Variants in ANKRD29 observed in about 807,000 individuals in gnomAD.
The protein encoded by ANKRD29 is ankyrin repeat domain-containing protein 29.
Under a neutral mutation model 38.0 loss-of-function variants are expected in ANKRD29, and 32 were observed. That is an observed-to-expected ratio of 0.84 (90% CI 0.64 to 1.13). The LOEUF (loss-of-function observed/expected upper bound fraction) is 1.13, where lower values mean the gene tolerates loss of function less well. ANKRD29 is among the 50% of genes most tolerant of loss of function. ANKRD29 has a pLI of 0.00. For synonymous variants in ANKRD29, 135 were observed against 152.4 expected, an observed-to-expected ratio of 0.89 and a Z score of 0.84; for missense variants, 357 against 377.9, an observed-to-expected ratio of 0.94 and a Z score of 0.46.
intron 6 of ANKRD29, among the ~76,000 whole-genome samples, chr18:23,621,655 A>G (rs1360607058): frequency 1.3e-5 from 2 of 152,082 alleles, no homozygotes; most frequent in Non-Finnish European, 1.5e-5. Context: ...TCAGGATTTA[A>G]TTAATCAATA....
rs773691291 is a variant in ANKRD29 at position 23,601,295 on chromosome 18, C to T, written c.837G>A (p.Pro279=). ...PSLRNKANEL[P]AELTKNERIL... ...TACGTTCATTTTTGGTTAGTTCTGC[C>T]GGAAGTTCATTGGCCTGAAAGAAGA... Residue 279 remains proline (P), a synonymous_variant, in exon 10 of 10, where the codon CCG becomes CCA. Transcript: ENST00000592179. The T allele has an allele frequency of 3.1e-6, 5 of 1,613,824 alleles. No homozygotes were observed. The South Asian group carries it at 3.3e-5, about 11-fold the overall frequency.
At chr18:23,615,930 TTATATAGTATATA>T (rs1425780442) in intron 8 of ANKRD29, among the ~76,000 whole-genome samples, 1 of 141,222 alleles carries the variant, frequency 7.1e-6, no homozygotes, top group Admixed American at 7.0e-5. Context: ...TATGTATATA[TTATATAGTATATA>T]ATATATACAT....
intron 1 of ANKRD29, among the ~76,000 whole-genome samples, chr18:23,649,932 G>A (rs879929073): frequency 1.1e-4 from 16 of 152,046 alleles, no homozygotes; most frequent in African/African-American, 7.2e-5. Flanking sequence ...GTTTCACCAC[G>A]TTGGCCAGGA....
intron 5 of ANKRD29, 69 bp downstream of exon 5, chr18:23,633,976 TTCTGGC>T: frequency 6.9e-7 from 1 of 1,458,620 alleles, no homozygotes; most frequent in Non-Finnish European, 9.6e-7. Context: ...AAGTTGGCAT[TTCTGGC>T]ATCTGAATTT....
rs1003308046 is a variant in ANKRD29, at chr18:23,601,036, G to A, written c.*190C>T. On this transcript the variant is annotated 3_prime_UTR_variant, in exon 10 of 10. Coordinates refer to ENST00000592179, the MANE Select transcript of ANKRD29 (RefSeq NM_173505.4). ...TGAGAAGTCCATGGTGAAGGGGCAA[G>A]AGGGTCCCTGAGCTGTTTGGTTCTT... is the stretch of plus-strand genomic sequence containing the variant. The A allele has an allele frequency of 5.3e-5, 28 of 528,042 alleles. No homozygotes were observed. The highest frequency in any genetic ancestry group is 8.8e-5 in the Non-Finnish European group (26 of 296,440). The allele number at this position is 528,042 out of a possible 1,614,324, so 32.7% of individuals were successfully genotyped here.
intron 1 of ANKRD29, among the ~76,000 whole-genome samples, chr18:23,659,479 T>A (rs764566203): frequency 1.1e-4 from 16 of 152,134 alleles, no homozygotes; most frequent in Non-Finnish European, 1.9e-4. Flanking sequence ...GTGCGGTGGC[T>A]TATGCCTGTA....
intron 6 of ANKRD29, among the ~76,000 whole-genome samples, chr18:23,627,842 A>T (rs2059881229): frequency 6.6e-6 from 1 of 152,208 alleles, no homozygotes; most frequent in Non-Finnish European, 1.5e-5. Context: ...ATTCAGAATC[A>T]ATCAACAATA....
intron 1 of ANKRD29, among the ~76,000 whole-genome samples, chr18:23,659,825 C>T (rs957281828): frequency 7.3e-5 from 11 of 151,584 alleles, no homozygotes; most frequent in African/African-American, 2.7e-4. Context: ...AAAATGACTG[C>T]ATCGGCCAGG....
At chr18:23,636,245 C>T (rs1452201483) in intron 4 of ANKRD29, among the ~76,000 whole-genome samples, 1 of 151,934 alleles carries the variant, frequency 6.6e-6, no homozygotes, top group African/African-American at 2.4e-5. Flanking sequence ...AAGCGATCTT[C>T]CTGCCCTAGC....
chr18:23,598,929 G>A lies in ANKRD29; in HGVS notation c.*2297C>T, dbSNP rs573729639. On this transcript the variant is annotated 3_prime_UTR_variant, in exon 10 of 10. Coordinates refer to ENST00000592179, the MANE Select transcript of ANKRD29 (RefSeq NM_173505.4). Reference sequence around the variant, plus strand: ...AGAAAAAAGCAGCAAAGGCAAATGGGGTAGTATATTAACTTTATTTTGAAT... The same window carrying A: ...AGAAAAAAGCAGCAAAGGCAAATGGAGTAGTATATTAACTTTATTTTGAAT... The A allele has an allele frequency of 6.6e-6, 1 of 152,184 alleles. No individual in the cohort carries two copies. Among genetic ancestry groups the A allele is most frequent in the South Asian group, 2.1e-4 (1 of 4,822 alleles). The allele number at this position is 152,184 out of a possible 1,614,324, so 9.4% of individuals were successfully genotyped here.
At chr18:23,623,576 G>A (rs1487701158) in intron 6 of ANKRD29, among the ~76,000 whole-genome samples, 1 of 151,756 alleles carries the variant, frequency 6.6e-6, no homozygotes, top group Non-Finnish European at 1.5e-5. Flanking sequence ...CTTGAGCCCA[G>A]GAGTTCAAGA....
intron 1 of ANKRD29, among the ~76,000 whole-genome samples, chr18:23,659,777 C>A (rs987236950): frequency 1.9e-4 from 29 of 149,800 alleles, no homozygotes; most frequent in Non-Finnish European, 3.4e-4. Flanking sequence ...AACAAACAAA[C>A]AAAAAAAACT....
chr18:23,624,739 G>C (rs2059841367), intron 6 of ANKRD29, among the ~76,000 whole-genome samples: 1 of 152,114 alleles, frequency 6.6e-6, no homozygotes, highest in Admixed American at 6.6e-5. Context: ...TCCATGCCTA[G>C]AGGTGTTCAA....
At chr18:23,614,252 G>A (rs1192572167) in intron 8 of ANKRD29, among the ~76,000 whole-genome samples, 1 of 151,844 alleles carries the variant, frequency 6.6e-6, no homozygotes, top group African/African-American at 2.4e-5. Context: ...AGTAGAGACG[G>A]GGTTTCACCA....
At chr18:23,611,044 T>A (rs556425173) in intron 9 of ANKRD29, among the ~76,000 whole-genome samples, 5 of 152,270 alleles carry the variant, frequency 3.3e-5, no homozygotes, top group Non-Finnish European at 7.3e-5. Flanking sequence ...ATGTGCCAGC[T>A]TAAGCAGATG....
At chr18:23,617,350 C>T (rs547295378) in intron 8 of ANKRD29, among the ~76,000 whole-genome samples, 8 of 152,140 alleles carry the variant, frequency 5.3e-5, no homozygotes, top group Non-Finnish European at 1.0e-4. Flanking sequence ...TATTTTATTT[C>T]ACTTAAGGGA....
At chr18:23,654,279 A>AAAATAAAT (rs71163628) in intron 1 of ANKRD29, among the ~76,000 whole-genome samples, 26 of 136,604 alleles carry the variant, frequency 1.9e-4, no homozygotes, top group East Asian at 4.4e-4. Flanking sequence ...GCCTCCACAA[A>AAAATAAAT]AAATAAATAA....
At chr18:23,615,923 G>A (rs369945390) in intron 8 of ANKRD29, among the ~76,000 whole-genome samples, 3,044 of 139,696 alleles carry the variant, frequency 0.022, 127 homozygotes, top group South Asian at 0.081. Flanking sequence ...TATATAGTAT[G>A]TATATATTAT....
chr18:23,648,969 C>T, intron 2 of ANKRD29, 114 bp downstream of exon 2: 1 of 876,920 alleles, frequency 1.1e-6, no homozygotes, highest in Non-Finnish European at 1.8e-6. Flanking sequence ...ATAAAGCAAG[C>T]AAACACATGA....
Sources: gnomAD v4.1 joint callset for allele counts (sites outside exome capture counted in the v4.1 genomes callset) on GRCh38, gnomAD v4.1.1 for gene constraint, MANE v1.5 for transcripts, NCBI Gene and HGNC (gene_info 2026-07-23, HGNC 2026-07-21) for gene names.